The following PRKN variants were observed in gnomAD, a reference collection of about 807,000 sequenced individuals.
The protein encoded by PRKN is parkin RBR E3 ubiquitin protein ligase.
A neutral mutation model predicts 59.5 loss-of-function variants in PRKN; 56 were observed. That is an observed-to-expected ratio of 0.94 (90% CI 0.76 to 1.18). PRKN has a LOEUF of 1.18. PRKN is among the 50% of genes most tolerant of loss of function. The pLI is 0.00. For missense variants in PRKN, 657 were observed against 596.4 expected (o/e 1.10, Z -1.06); for synonymous variants, 250 against 222.1 (o/e 1.13, Z -1.12).
intron 4 of PRKN, among the ~76,000 whole-genome samples, chr6:162,111,775 A>C (rs1780450981): frequency 6.6e-6 from 1 of 151,990 alleles, no homozygotes; most frequent in Admixed American, 6.6e-5. Context: ...CTGATGATTG[A>C]ATTAAATCGT....
intron 1 of PRKN, among the ~76,000 whole-genome samples, chr6:162,723,769 C>A (rs926402927): frequency 6.6e-6 from 1 of 152,194 alleles, no homozygotes; most frequent in Non-Finnish European, 1.5e-5. Context: ...ACACTTCTGA[C>A]AACAGTTGTC....
At chr6:162,280,754 G>A (rs530586905) in intron 2 of PRKN, among the ~76,000 whole-genome samples, 44 of 123,896 alleles carry the variant, frequency 3.6e-4, no homozygotes, top group African/African-American at 1.1e-3. Flanking sequence ...TGGAGATGAC[G>A]CCACTGTATT....
At chr6:161,687,158 G>T (rs747393703) in intron 7 of PRKN, among the ~76,000 whole-genome samples, 1 of 151,780 alleles carries the variant, frequency 6.6e-6, no homozygotes, top group Admixed American at 6.6e-5. Context: ...AGGCCAAGGC[G>T]GGCAGACTGC....
intron 6 of PRKN, among the ~76,000 whole-genome samples, chr6:161,875,111 TTATATA>T (rs1389340070): frequency 1.6e-5 from 2 of 126,998 alleles, no homozygotes; most frequent in Admixed American, 8.4e-5. Flanking sequence ...AGTATATATA[TTATATA>T]TAAAGTATAT....
intron 1 of PRKN, among the ~76,000 whole-genome samples, chr6:162,612,053 C>T (rs36004820): frequency 0.027 from 4,097 of 150,760 alleles, 196 homozygotes; most frequent in African/African-American, 0.094. Context: ...ATTAGCTGGG[C>T]GTGGTGGCGG....
At chr6:161,415,702 G>A (rs1787819386) in intron 9 of PRKN, among the ~76,000 whole-genome samples, 2 of 148,118 alleles carry the variant, frequency 1.4e-5, no homozygotes, top group South Asian at 4.4e-4. Flanking sequence ...AGTCTGCCCG[G>A]CCCCTCCTGA....
chr6:162,114,757 C>A (rs1172482256), intron 4 of PRKN, among the ~76,000 whole-genome samples: 1 of 151,424 alleles, frequency 6.6e-6, no homozygotes, highest in Non-Finnish European at 1.5e-5. Context: ...CTCACCATCA[C>A]TGGCCATCAG....
At chr6:162,636,598 C>T (rs906747039) in intron 1 of PRKN, among the ~76,000 whole-genome samples, 1 of 152,178 alleles carries the variant, frequency 6.6e-6, no homozygotes, top group Non-Finnish European at 1.5e-5. Context: ...TCCAAGTTTT[C>T]ACATTAACAA....
At chr6:162,679,987 C>T (rs1779709273) in intron 1 of PRKN, among the ~76,000 whole-genome samples, 1 of 152,072 alleles carries the variant, frequency 6.6e-6, no homozygotes, top group Admixed American at 6.6e-5. Flanking sequence ...ATTTCCTATT[C>T]AATGTTAATG....
intron 5 of PRKN, among the ~76,000 whole-genome samples, chr6:161,974,254 G>T (rs558075527): frequency 6.6e-6 from 1 of 152,196 alleles, no homozygotes; most frequent in African/African-American, 2.4e-5. Flanking sequence ...AATTCCAGCC[G>T]AGAGTTTAGC....
chr6:162,310,468 T>C (rs892449928), intron 2 of PRKN, among the ~76,000 whole-genome samples: 1 of 151,884 alleles, frequency 6.6e-6, no homozygotes, highest in South Asian at 2.1e-4. Context: ...AGCAAGAAAA[T>C]GGGTCCCTGG....
In PRKN at chr6:161,545,346, G is replaced by A; in HGVS notation, c.1083+3508C>T. 6.2e-7 allele frequency: 1 copy of A among 1,605,842 alleles called. No homozygotes were observed. The highest frequency in any genetic ancestry group is 2.2e-5 in the East Asian group (1 of 44,784). ...TCTGGAACTCTGTAATTCTTCTATA[G>A]CTTTGCTACCAATGACTTTTCCTTG... On this transcript the variant is annotated intron_variant, in intron 9 of 11. Transcript: ENST00000366898. This position sits in a 1 kb window ranked among gnomAD's most constrained non-coding sequence, Gnocchi z 4.1.
chr6:162,402,768 T>A (rs1027789253), intron 2 of PRKN, among the ~76,000 whole-genome samples: 1 of 151,890 alleles, frequency 6.6e-6, no homozygotes, highest in African/African-American at 2.4e-5. Flanking sequence ...CCTCAAGTGA[T>A]CTTCCTGCCT....
chr6:162,144,359 C>CA (rs1169926416), intron 4 of PRKN, among the ~76,000 whole-genome samples: 1 of 152,054 alleles, frequency 6.6e-6, no homozygotes. Flanking sequence ...GATACGATAA[C>CA]AAAAAAGCAC....
At chr6:161,563,223 A>G (rs1469786441) in intron 8 of PRKN, among the ~76,000 whole-genome samples, 1 of 152,140 alleles carries the variant, frequency 6.6e-6, no homozygotes, top group Non-Finnish European at 1.5e-5. Context: ...CCTAGCATCA[A>G]TTATGATCAG....
In PRKN at chr6:161,371,051, TCAA is replaced by T. The variant is rs1246558665; in HGVS notation, c.1168-10849_1168-10847del. On this transcript the variant is annotated intron_variant, in intron 10 of 11. Coordinates refer to ENST00000366898, the MANE Select transcript of PRKN (RefSeq NM_004562.3). The surrounding 1 kb of genome is among the most constrained non-coding windows in gnomAD (Gnocchi z 5.5). ...TCACTTTTCAGGGGCCTTGAGCTAG[TCAA>T]CGTTACTGCTTGGCAACGGGTGTCA... Among the ~76,000 whole-genome samples the T allele has an allele frequency of 6.6e-6, 1 of 152,208 alleles. No homozygotes were observed. Among genetic ancestry groups the T allele is most frequent in the Non-Finnish European group, 1.5e-5 (1 of 68,040 alleles).
At chr6:162,358,600 C>G (rs201127114) in intron 2 of PRKN, among the ~76,000 whole-genome samples, 1 of 152,054 alleles carries the variant, frequency 6.6e-6, no homozygotes, top group Non-Finnish European at 1.5e-5. Context: ...ATATACTTCA[C>G]CAATTTTGAA....
chr6:161,705,161 C>T (rs1786429475), intron 7 of PRKN, among the ~76,000 whole-genome samples: 1 of 152,084 alleles, frequency 6.6e-6, no homozygotes, highest in Non-Finnish European at 1.5e-5. Flanking sequence ...TATATAGAGG[C>T]TCCTCGACTT....
chr6:161,684,668 A>G (rs146716598), intron 7 of PRKN, among the ~76,000 whole-genome samples: 176 of 152,334 alleles, frequency 1.2e-3, no homozygotes, highest in African/African-American at 4.0e-3. Flanking sequence ...ACACATGTAA[A>G]TATCTATAGT....
Sources: gnomAD v4.1 joint callset for allele counts (sites outside exome capture counted in the v4.1 genomes callset) on GRCh38, gnomAD v4.1.1 for gene constraint, Gnocchi (gnomAD v3.1) non-coding constraint, MANE v1.5 for transcripts, NCBI Gene and HGNC (gene_info 2026-07-23, HGNC 2026-07-21) for gene names.